The following PARP8 variants were observed in gnomAD, a reference collection of about 807,000 sequenced individuals.
PARP8 encodes the protein poly(ADP-ribose) polymerase family member 8, also known as protein mono-ADP-ribosyltransferase PARP8.
In PARP8, 51 loss-of-function variants were observed where a neutral mutation model predicts 124.1. The ratio of observed to expected loss-of-function variants is 0.41; its 90% confidence interval spans 0.33 to 0.52. The LOEUF is 0.52. Among genes scored for constraint, PARP8 ranks in the 20% least tolerant of loss-of-function variants. PARP8 has a pLI of 0.21. For missense variants in PARP8, 860 were observed against 1,018.9 expected (o/e 0.84, Z 2.12); for synonymous variants, 391 against 361.5 (o/e 1.08, Z -0.93).
At chr5:50,757,784 A>G (rs1760124890) in intron 3 of PARP8, among the ~76,000 whole-genome samples, 1 of 152,138 alleles carries the variant, frequency 6.6e-6, no homozygotes, top group Non-Finnish European at 1.5e-5. Flanking sequence ...TCTTAAACAT[A>G]ATGTCTTAAT....
intron 9 of PARP8, among the ~76,000 whole-genome samples, chr5:50,782,693 CTG>C (rs1740803340): frequency 6.6e-6 from 1 of 152,192 alleles, no homozygotes; most frequent in Non-Finnish European, 1.5e-5. Flanking sequence ...AGCAGATGAA[CTG>C]CCCAATCTCA....
chr5:50,782,464 T>C (rs1315477782), intron 9 of PARP8, among the ~76,000 whole-genome samples: 2 of 152,196 alleles, frequency 1.3e-5, no homozygotes, highest in African/African-American at 4.8e-5. Context: ...AATATATGAA[T>C]AGAACTGGAG....
intron 2 of PARP8, chr5:50,741,847 G>A (rs1454509977): frequency 1.5e-5 from 6 of 397,806 alleles, no homozygotes; most frequent in Non-Finnish European, 2.5e-5. Flanking sequence ...TTTCATTCTT[G>A]TTGCCCAGGC....
chr5:50,760,187 G>A (rs1346223184), intron 4 of PARP8, 105 bp from the exon 5 acceptor site: 26 of 982,414 alleles, frequency 2.6e-5, no homozygotes, highest in Non-Finnish European at 3.2e-5. Context: ...CTTTTTCAGA[G>A]GAGATGGAAT....
chr5:50,746,152 T>G (rs1256972368), intron 2 of PARP8, among the ~76,000 whole-genome samples: 2 of 152,230 alleles, frequency 1.3e-5, no homozygotes, highest in African/African-American at 2.4e-5. Context: ...TTCAAAATAC[T>G]AATCTGCCTG....
chr5:50,778,939 A>G (rs1353923791), intron 9 of PARP8, among the ~76,000 whole-genome samples: 2 of 152,280 alleles, frequency 1.3e-5, no homozygotes, highest in Admixed American at 6.5e-5. Flanking sequence ...CTCAGTAAAT[A>G]TATATATTTT....
intron 3 of PARP8, among the ~76,000 whole-genome samples, chr5:50,754,146 T>TATATATATATATATATATACATATAC (rs1561331500): frequency 6.5e-4 from 14 of 21,392 alleles, no homozygotes; most frequent in African/African-American, 1.6e-3. Context: ...TATATATATA[T>TATATATATATATATATATACATATAC]ATATACACAC....
chr5:50,739,701 G>A (rs1443552808), intron 2 of PARP8, among the ~76,000 whole-genome samples: 2 of 136,028 alleles, frequency 1.5e-5, no homozygotes, highest in African/African-American at 5.5e-5. Flanking sequence ...AAGATCAATG[G>A]GTATATACAT....
chr5:50,725,607 A>G (rs1396478605), intron 2 of PARP8, among the ~76,000 whole-genome samples: 6 of 152,172 alleles, frequency 3.9e-5, no homozygotes, highest in Non-Finnish European at 7.4e-5. Context: ...ATGGCTGTCA[A>G]TTAAAGCAAA....
chr5:50,803,340 G>C (rs1354839812), intron 14 of PARP8, among the ~76,000 whole-genome samples: 1 of 152,022 alleles, frequency 6.6e-6, no homozygotes, highest in Non-Finnish European at 1.5e-5. Context: ...GAGTTAATTG[G>C]GTTTCTTGGA....
At chr5:50,798,796 A>T (rs1580379291) in intron 14 of PARP8, among the ~76,000 whole-genome samples, 1 of 152,302 alleles carries the variant, frequency 6.6e-6, no homozygotes, top group East Asian at 1.9e-4. Flanking sequence ...TGACTAAAAG[A>T]TACTAAAATA....
At chr5:50,758,089 T>C (rs1021513638) in intron 3 of PARP8, among the ~76,000 whole-genome samples, 6 of 152,144 alleles carry the variant, frequency 3.9e-5, no homozygotes, top group African/African-American at 1.4e-4. Context: ...ACATTGACTC[T>C]AATAGGCGTT....
At chr5:50,796,933 T>G (rs763943770) in intron 12 of PARP8, 49 bp from the exon 13 acceptor site, 1 of 1,490,562 alleles carries the variant, frequency 6.7e-7, no homozygotes, top group South Asian at 1.2e-5. Context: ...AATTTATACA[T>G]TTTTACATTT....
intron 2 of PARP8, among the ~76,000 whole-genome samples, chr5:50,690,150 C>T (rs1330774050): frequency 1.3e-5 from 2 of 152,196 alleles, no homozygotes; most frequent in Admixed American, 6.5e-5. Context: ...CTGAGGCCAT[C>T]CTTCTTCCTG....
intron 3 of PARP8, among the ~76,000 whole-genome samples, chr5:50,755,897 A>G (rs1759886968): frequency 6.6e-6 from 1 of 152,252 alleles, no homozygotes; most frequent in Middle Eastern, 3.4e-3. Context: ...GGTCCTTCAC[A>G]TCCCTTGTAA....
Position 50,723,997 on chromosome 5 carries a change from A to G in PARP8, c.147-26154A>G, listed in dbSNP as rs187671648. Among the ~76,000 whole-genome samples the G allele has an allele frequency of 3.3e-5, 5 of 152,180 alleles. No homozygotes were observed. In the East Asian group the frequency reaches 9.7e-4, roughly 30 times the overall value. ...TTCATTTTTAAATTAAAAAAGAATC[A>G]TTTTCACAAAGAGAGGGTCTTGCTG... On this transcript the variant is annotated intron_variant, in intron 2 of 25. Transcript: ENST00000281631.
At chr5:50,813,363 T>TG (rs1345509287) in intron 14 of PARP8, among the ~76,000 whole-genome samples, 2 of 150,988 alleles carry the variant, frequency 1.3e-5, no homozygotes, top group African/African-American at 2.4e-5. Flanking sequence ...CAATTGTGAA[T>TG]GGAGTTCACT....
intron 18 of PARP8, among the ~76,000 whole-genome samples, chr5:50,826,486 C>T (rs1354974912): frequency 6.6e-6 from 1 of 152,004 alleles, no homozygotes; most frequent in African/African-American, 2.4e-5. Flanking sequence ...TTTGCTGATA[C>T]TTGAGGTTAT....
chr5:50,794,673 G>A (rs554524564), intron 11 of PARP8, among the ~76,000 whole-genome samples, 180 bp from the exon 12 acceptor site: 5 of 152,172 alleles, frequency 3.3e-5, no homozygotes, highest in Non-Finnish European at 7.4e-5. Flanking sequence ...AGGAAAAATG[G>A]GATTCAAGTC....
Sources: gnomAD v4.1 joint callset for allele counts (sites outside exome capture counted in the v4.1 genomes callset) on GRCh38, gnomAD v4.1.1 for gene constraint, MANE v1.5 for transcripts, NCBI Gene and HGNC (gene_info 2026-07-23, HGNC 2026-07-21) for gene names.